DPY19L2: variants seen among roughly 807,000 people sequenced by gnomAD.
The protein encoded by DPY19L2 is dpy-19 like 2.
In DPY19L2, 34 loss-of-function variants were observed where a neutral mutation model predicts 97.9. The observed-to-expected ratio is 0.35, with a 90% CI of 0.26 to 0.46. The LOEUF is 0.46. DPY19L2 is among the 20% of genes least tolerant of loss of function. DPY19L2 has a pLI of 1.00. For missense variants in DPY19L2, 623 were observed against 911.4 expected, an observed-to-expected ratio of 0.68 and a Z score of 4.07; for synonymous variants, 230 against 307.9, an observed-to-expected ratio of 0.75 and a Z score of 2.65.
intron 7 of DPY19L2, among the ~76,000 whole-genome samples, chr12:63,625,930 T>C (rs1376453977): frequency 7.6e-6 from 1 of 130,922 alleles, no homozygotes; most frequent in Non-Finnish European, 1.6e-5. Context: ...AAGTTGAATA[T>C]ATATGTTATA....
In DPY19L2 at chr12:63,668,288, C is replaced by T. The variant is rs772132182; in HGVS notation, c.106G>A (p.Glu36Lys). 3 of 1,613,936 alleles carry T rather than the reference C, an allele frequency of 1.9e-6. No individual in the cohort carries two copies. Among genetic ancestry groups the T allele is most frequent in the Non-Finnish European group, 2.5e-6 (3 of 1,179,910 alleles). The change falls in exon 1 of 22, where the codon GAG becomes AAG. Residue 36 changes from glutamate (E) to lysine (K), a missense_variant. This residue lies in a region of DPY19L2 where 144 missense variants were observed against 119.4 expected (regional missense o/e 1.21). Coordinates refer to ENST00000324472, the MANE Select transcript of DPY19L2 (RefSeq NM_173812.5). ...SLAREPEVEE[E>K]MEKSALGGGK... ...CCGCCTAGGGCCGACTTTTCCATCT[C>T]CTCCTCTACCTCCGGCTCCCGGGCG... is the stretch of plus-strand genomic sequence containing the variant.
intron 11 of DPY19L2, 88 bp from the exon 12 acceptor site, chr12:63,608,763 C>T (rs1197951977): frequency 3.0e-6 from 2 of 671,464 alleles, no homozygotes; most frequent in Non-Finnish European, 5.0e-6. Flanking sequence ...AATTATATAG[C>T]CACCCTGTTC....
chr12:63,569,420 T>C (rs1592379106), intron 20 of DPY19L2, 71 bp from the exon 21 acceptor site: 2 of 1,189,464 alleles, frequency 1.7e-6, no homozygotes, highest in East Asian at 5.9e-5. Context: ...AAAATCTTAC[T>C]AGCAAATTGA....
At chr12:63,592,179 GAGGA>G (rs1180455535) in intron 16 of DPY19L2, among the ~76,000 whole-genome samples, 2 of 149,902 alleles carry the variant, frequency 1.3e-5, no homozygotes, top group African/African-American at 4.9e-5. Context: ...AGAAGGAAGG[GAGGA>G]AGGGAGGGAG....
chr12:63,645,269 CCTT>C (rs1893257136), intron 5 of DPY19L2, among the ~76,000 whole-genome samples: 1 of 152,118 alleles, frequency 6.6e-6, no homozygotes, highest in Non-Finnish European at 1.5e-5. Flanking sequence ...TGAAGGCTGG[CCTT>C]CTGATTCCCC....
chr12:63,614,546 T>C (rs1050660298), intron 11 of DPY19L2, among the ~76,000 whole-genome samples: 2 of 152,150 alleles, frequency 1.3e-5, no homozygotes, highest in African/African-American at 2.4e-5. Context: ...AAATTCTTTA[T>C]TTCTCATAAT....
intron 7 of DPY19L2, among the ~76,000 whole-genome samples, chr12:63,624,706 G>A (rs1159343699): frequency 2.0e-5 from 3 of 152,164 alleles, no homozygotes; most frequent in Non-Finnish European, 4.4e-5. Flanking sequence ...TGTGATGCAA[G>A]TAATAAAGGT....
intron 18 of DPY19L2, 25 bp from the exon 19 acceptor site, chr12:63,580,861 T>A: frequency 6.2e-7 from 1 of 1,606,022 alleles, no homozygotes; most frequent in Non-Finnish European, 8.5e-7. Flanking sequence ...ACCGTTTATT[T>A]CTAGTTCTTA....
intron 3 of DPY19L2, 34 bp from the exon 4 acceptor site, chr12:63,661,515 A>G: frequency 7.0e-7 from 1 of 1,435,464 alleles, no homozygotes; most frequent in Non-Finnish European, 9.3e-7. Context: ...TTGTCAATGT[A>G]ATTAAAACTT....
At chr12:63,628,404 A>G (rs1176216311) in intron 6 of DPY19L2, among the ~76,000 whole-genome samples, 1 of 152,166 alleles carries the variant, frequency 6.6e-6, no homozygotes, top group African/African-American at 2.4e-5. Context: ...AGCAAACGGC[A>G]CACCAGGAGA....
At chr12:63,651,896 C>T in intron 4 of DPY19L2, 2 of 404,042 alleles carry the variant, frequency 4.9e-6, no homozygotes, top group African/African-American at 2.1e-5. Context: ...CTGCGGCTTG[C>T]CATGACTCCT....
chr12:63,583,454 C>T (rs565544465), intron 17 of DPY19L2, among the ~76,000 whole-genome samples: 3 of 152,294 alleles, frequency 2.0e-5, no homozygotes, highest in African/African-American at 7.2e-5. Flanking sequence ...CACTGACTGA[C>T]CAGCAAATCT....
chr12:63,596,351 G>A (rs61935054), intron 14 of DPY19L2, among the ~76,000 whole-genome samples: 3,602 of 151,602 alleles, frequency 0.024, 71 homozygotes, highest in Middle Eastern at 0.058. Context: ...TGTGTCTACC[G>A]ATCCCTGGGT....
intron 6 of DPY19L2, among the ~76,000 whole-genome samples, chr12:63,641,813 T>C (rs901636131): frequency 7.9e-5 from 12 of 152,174 alleles, no homozygotes; most frequent in African/African-American, 2.7e-4. Flanking sequence ...TTTGGGAATA[T>C]ATACTTTAAA....
intron 20 of DPY19L2, 149 bp downstream of exon 20, chr12:63,570,609 A>G: frequency 1.2e-6 from 1 of 821,502 alleles, no homozygotes; most frequent in Non-Finnish European, 1.8e-6. Context: ...GGTTATTGTC[A>G]TTTTTTTTTA....
chr12:63,648,619 C>T (rs11175098), intron 4 of DPY19L2, among the ~76,000 whole-genome samples: 8 of 151,578 alleles, frequency 5.3e-5, no homozygotes, highest in African/African-American at 1.7e-4. Context: ...GTAGAGACAG[C>T]GTTTCACCAT....
At chr12:63,609,925 A>G (rs949923353) in intron 11 of DPY19L2, among the ~76,000 whole-genome samples, 1 of 152,122 alleles carries the variant, frequency 6.6e-6, no homozygotes, top group African/African-American at 2.4e-5. Context: ...AATGTATCAG[A>G]TGATTCATTG....
intron 6 of DPY19L2, among the ~76,000 whole-genome samples, chr12:63,632,661 T>G (rs1890912244): frequency 6.6e-6 from 1 of 152,138 alleles, no homozygotes; most frequent in Admixed American, 6.5e-5. Flanking sequence ...ATAGATTCAA[T>G]GGAATCCCCA....
intron 4 of DPY19L2, among the ~76,000 whole-genome samples, chr12:63,649,739 T>C (rs1893929159): frequency 1.3e-5 from 2 of 152,164 alleles, no homozygotes; most frequent in South Asian, 4.1e-4. Flanking sequence ...AGCCAAATTC[T>C]ACCAGACATA....
Sources: gnomAD v4.1 joint callset for allele counts (sites outside exome capture counted in the v4.1 genomes callset) on GRCh38, gnomAD v4.1.1 for gene constraint, gnomAD v4.1.1 regional missense constraint, MANE v1.5 for transcripts, NCBI Gene and HGNC (gene_info 2026-07-23, HGNC 2026-07-21) for gene names.